Variants in RNF212 observed in about 807,000 individuals in gnomAD.
RNF212 encodes ring finger protein 212, also known as probable E3 SUMO-protein ligase RNF212.
RNF212 carries 33 observed loss-of-function variants against 34.7 expected under a neutral mutation model. The ratio of observed to expected loss-of-function variants is 0.95; its 90% CI spans 0.72 to 1.27. The LOEUF (loss-of-function observed/expected upper bound fraction) is 1.27. RNF212 is among the 50% of genes most tolerant of loss of function. RNF212 has a pLI of 0.00. For missense variants in RNF212, 377 were observed against 362.2 expected (o/e 1.04, Z -0.33); for synonymous variants, 140 against 136.1 (o/e 1.03, Z -0.20).
chr4:1,113,468 A>G lies in RNF212; in HGVS notation c.-4T>C. On this transcript the variant is annotated 5_prime_UTR_variant, in exon 1 of 10. Coordinates refer to ENST00000433731, the MANE Select transcript of RNF212 (RefSeq NM_001131034.4). ...TACAGAACACCCAGTTGGCCATGCCAGGCGGGCGACCGCAGCGGCGAGGCC... is the reference window on the plus strand; with the variant it reads ...TACAGAACACCCAGTTGGCCATGCCGGGCGGGCGACCGCAGCGGCGAGGCC... The G allele has an allele frequency of 6.2e-7, 1 of 1,605,010 alleles. No homozygotes were observed. Among genetic ancestry groups the G allele is most frequent in the Non-Finnish European group, 8.5e-7 (1 of 1,176,860 alleles).
At chr4:1,090,995 G>T (rs1160079807) in intron 3 of RNF212, among the ~76,000 whole-genome samples, 157 bp from the exon 4 acceptor site, 1 of 152,212 alleles carries the variant, frequency 6.6e-6, no homozygotes, top group Non-Finnish European at 1.5e-5. Flanking sequence ...GCCAGTGCTT[G>T]CACAGGCAGG....
intron 2 of RNF212, among the ~76,000 whole-genome samples, chr4:1,099,413 G>A (rs992186225): frequency 6.6e-6 from 1 of 152,182 alleles, no homozygotes; most frequent in Admixed American, 6.5e-5. Flanking sequence ...AGGGGGAAAT[G>A]GGGGAAAATC....
At chr4:1,056,571 T>A in intron 4 of RNF212, 2 of 741,156 alleles carry the variant, frequency 2.7e-6, no homozygotes, top group Non-Finnish European at 3.3e-6. Context: ...GTTTATTCAC[T>A]AAAATGTGTA....
intron 4 of RNF212, among the ~76,000 whole-genome samples, chr4:1,086,839 T>G (rs1294222654): frequency 6.9e-3 from 3 of 434 alleles, no homozygotes; most frequent in Non-Finnish European, 0.011. Flanking sequence ...AGGATGGGGT[T>G]GGGGAGAGAG....
At chr4:1,059,336 G>A (rs2153031835) in intron 3 of RNF212, among the ~76,000 whole-genome samples, 2 of 152,374 alleles carry the variant, frequency 1.3e-5, no homozygotes, top group Admixed American at 1.3e-4. Context: ...CTAAGAGCAA[G>A]AAGGAAAGCT....
chr4:1,069,444 G>A (rs1417534992), downstream of RNF212, among the ~76,000 whole-genome samples: 1 of 152,218 alleles, frequency 6.6e-6, no homozygotes, highest in Non-Finnish European at 1.5e-5. Flanking sequence ...CTCTCCACAA[G>A]ACACTCATCC....
At chr4:1,069,390 G>C (rs1489714702), downstream of RNF212, among the ~76,000 whole-genome samples, 4 of 152,136 alleles carry the variant, frequency 2.6e-5, no homozygotes, top group African/African-American at 9.7e-5. Flanking sequence ...TTGTTGGGGG[G>C]TGAGGCCGGA....
chr4:1,060,097 C>CAAAAA (rs1162381231), intron 3 of RNF212, among the ~76,000 whole-genome samples: 1 of 36,814 alleles, frequency 2.7e-5, no homozygotes, highest in African/African-American at 2.3e-4. Flanking sequence ...GAAACTCCAT[C>CAAAAA]AAAAAAAAAA....
chr4:1,066,157 G>C (rs116254720), intron 3 of RNF212, among the ~76,000 whole-genome samples: 1 of 148,360 alleles, frequency 6.7e-6, no homozygotes. Context: ...TCCTTGGCTC[G>C]AGCAATCCTC....
At chr4:1,092,517 G>GA (rs35564691) in intron 3 of RNF212, among the ~76,000 whole-genome samples, 28,142 of 152,162 alleles carry the variant, frequency 0.18, 4,232 homozygotes, top group African/African-American at 0.42. Flanking sequence ...GTCTGGCCTG[G>GA]CTCTGACCAA....
intron 1 of RNF212, among the ~76,000 whole-genome samples, chr4:1,112,739 C>G (rs1180078191): frequency 1.2e-4 from 17 of 141,256 alleles, no homozygotes; most frequent in Admixed American, 9.1e-4. Flanking sequence ...CTCCACGGCC[C>G]CTTCCTGCCT....
intron 3 of RNF212, among the ~76,000 whole-genome samples, chr4:1,065,879 CTGTTTT>C (rs763037854): frequency 6.6e-6 from 1 of 151,246 alleles, no homozygotes; most frequent in Admixed American, 6.6e-5. Flanking sequence ...CGTGCCCGGC[CTGTTTT>C]TGTTTTTAAG....
chr4:1,057,302 A>C (rs528840240), intron 4 of RNF212, among the ~76,000 whole-genome samples: 1 of 152,290 alleles, frequency 6.6e-6, no homozygotes, highest in Non-Finnish European at 1.5e-5. Flanking sequence ...AGGCATCAAA[A>C]GCCACTCAAG....
At chr4:1,066,799 T>C (rs1044480813), downstream of RNF212, among the ~76,000 whole-genome samples, 1 of 152,234 alleles carries the variant, frequency 6.6e-6, no homozygotes, top group Non-Finnish European at 1.5e-5. Context: ...ATTTAAAATT[T>C]TCATGAGGTC....
At chr4:1,093,348 A>G in intron 3 of RNF212, 5 of 1,133,304 alleles carry the variant, frequency 4.4e-6, no homozygotes, top group Non-Finnish European at 5.8e-6. Context: ...AAAAATAACA[A>G]TAAATCCATG....
chr4:1,113,494 G>T lies in RNF212; in HGVS notation c.-30C>A. 6.3e-7 allele frequency: 1 copy of T among 1,576,960 alleles called. No homozygotes were observed. The highest frequency in any genetic ancestry group is 1.1e-5 in the South Asian group (1 of 88,486). On this transcript the variant is annotated 5_prime_UTR_variant, in exon 1 of 10. Coordinates refer to ENST00000433731, the MANE Select transcript of RNF212 (RefSeq NM_001131034.4). ...GGCGGGCGACCGCAGCGGCGAGGCC[G>T]GGCCCACGCGAAGCCCACGCAAGGT...
chr4:1,085,591 GT>G (rs963536561), intron 5 of RNF212: 6 of 489,360 alleles, frequency 1.2e-5, no homozygotes, highest in African/African-American at 7.8e-5. Flanking sequence ...CCTGTGCTGG[GT>G]CACTCTGAGA....
chr4:1,102,720 T>C (rs898701499), intron 2 of RNF212, among the ~76,000 whole-genome samples: 1 of 143,288 alleles, frequency 7.0e-6, no homozygotes, highest in African/African-American at 2.7e-5. Flanking sequence ...GGCGTGGTGG[T>C]GGGCCCCTGC....
intron 1 of RNF212, among the ~76,000 whole-genome samples, chr4:1,112,744 C>T (rs1424234929): frequency 7.3e-6 from 1 of 137,280 alleles, no homozygotes; most frequent in Non-Finnish European, 1.6e-5. Flanking sequence ...CGGCCCCTTC[C>T]TGCCTGCGGA....
Sources: allele counts gnomAD v4.1 joint callset (sites outside exome capture counted in the v4.1 genomes callset), GRCh38; gene constraint gnomAD v4.1.1; transcripts MANE v1.5; gene names NCBI Gene and HGNC (gene_info 2026-07-23, HGNC 2026-07-21).